The following BRINP1 variants were observed in gnomAD, a reference collection of about 807,000 sequenced individuals.
BRINP1 encodes BMP/retinoic acid inducible neural specific 1.
A neutral mutation model predicts 72.9 loss-of-function variants in BRINP1; 17 were observed. That is an observed-to-expected ratio of 0.23 (90% CI 0.16 to 0.35). BRINP1 has a LOEUF of 0.35. BRINP1 is among the 10% of genes least tolerant of loss of function. BRINP1 has a pLI of 1.00. For synonymous variants in BRINP1, 418 were observed against 378.5 expected (o/e 1.10, Z -1.21); for missense variants, 850 against 1,001.6 (o/e 0.85, Z 2.04).
intron 2 of BRINP1, among the ~76,000 whole-genome samples, chr9:119,287,211 T>A (rs2118968834): frequency 6.6e-6 from 1 of 152,354 alleles, no homozygotes; most frequent in Admixed American, 6.5e-5. Flanking sequence ...TCTCCTTTTT[T>A]ATCATAAGAG....
rs559940050 is a variant in BRINP1 at position 119,172,051 on chromosome 9, C to T, written c.1146-3827G>A. Among the ~76,000 whole-genome samples the T allele has an allele frequency of 3.4e-3, 470 of 137,534 alleles. 1 individual carries two copies. Among genetic ancestry groups the T allele is most frequent in the Non-Finnish European group, 5.6e-3 (362 of 65,078 alleles). 90.2% of individuals were successfully genotyped at this position (137,534 alleles called of 152,430 possible). A position where few individuals can be genotyped will look rare whatever the true frequency, so the allele number is the denominator to read the frequency against. On this transcript the variant is annotated intron_variant, in intron 7 of 7. Coordinates refer to ENST00000265922, the MANE Select transcript of BRINP1 (RefSeq NM_014618.3). ...AGCAGGAAAGATCCAAAATTGACACCCTAACATCACAATTAAAAGAACTAG... is the reference window on the plus strand; with the variant it reads ...AGCAGGAAAGATCCAAAATTGACACTCTAACATCACAATTAAAAGAACTAG...
intron 5 of BRINP1, among the ~76,000 whole-genome samples, chr9:119,230,574 G>C (rs1830139276): frequency 6.6e-6 from 1 of 151,982 alleles, no homozygotes; most frequent in Non-Finnish European, 1.5e-5. Flanking sequence ...TTCAATAGAA[G>C]AGAGTGAGGA....
rs1345034482 is a variant in BRINP1, at chr9:119,368,892, C to CT, written c.-51+163dup. On this transcript the variant is annotated intron_variant, in intron 1 of 7. Coordinates refer to ENST00000265922, the MANE Select transcript of BRINP1 (RefSeq NM_014618.3). This position sits in a 1 kb window ranked among gnomAD's most constrained non-coding sequence, Gnocchi z 4.7. ...AGCCCCAGGCACAGGAACCCCCTCC[C>CT]TAGAACTGGAGAAGACTTGGAGGCG... Among the ~76,000 whole-genome samples the CT allele has an allele frequency of 6.6e-6, 1 of 152,156 alleles. No homozygotes were observed. The highest frequency in any genetic ancestry group is 1.5e-5 in the Non-Finnish European group (1 of 68,026).
intron 5 of BRINP1, among the ~76,000 whole-genome samples, chr9:119,237,020 CT>C (rs1830198355): frequency 6.6e-6 from 1 of 152,166 alleles, no homozygotes; most frequent in African/African-American, 2.4e-5. Flanking sequence ...TTCTAACCAC[CT>C]TCTGTAACGG....
At chr9:119,283,675 G>C (rs1354051630) in intron 2 of BRINP1, among the ~76,000 whole-genome samples, 4 of 152,132 alleles carry the variant, frequency 2.6e-5, no homozygotes, top group Admixed American at 6.5e-5. Flanking sequence ...TGGGATTACA[G>C]GCGTGGGCCA....
At chr9:119,338,629 T>A (rs1831374542) in intron 1 of BRINP1, among the ~76,000 whole-genome samples, 2 of 150,610 alleles carry the variant, frequency 1.3e-5, no homozygotes, top group Admixed American at 1.3e-4. Flanking sequence ...TCCCAGCACT[T>A]TGGGAGGCCG....
chr9:119,237,718 G>A (rs988490378), intron 5 of BRINP1, among the ~76,000 whole-genome samples: 1 of 151,862 alleles, frequency 6.6e-6, no homozygotes, highest in Non-Finnish European at 1.5e-5. Context: ...CTGGAGTGCA[G>A]TGGCGCAATC....
intron 1 of BRINP1, 123 bp from the exon 2 acceptor site, chr9:119,313,528 T>A (rs966489015): frequency 5.0e-6 from 4 of 806,682 alleles, no homozygotes; most frequent in Non-Finnish European, 7.6e-6. Flanking sequence ...CACATCTTCA[T>A]AATAATACCT....
intron 5 of BRINP1, among the ~76,000 whole-genome samples, chr9:119,233,212 C>T (rs1485531108): frequency 2.0e-5 from 3 of 152,052 alleles, no homozygotes; most frequent in East Asian, 3.9e-4. Context: ...AGAGGAAACA[C>T]ATTTGAAGAA....
At chr9:119,219,646 TGAGAGAGAGAGAGAGAGAGAGAGAGA>T (rs57623423) in intron 5 of BRINP1, among the ~76,000 whole-genome samples, 7 of 125,824 alleles carry the variant, frequency 5.6e-5, no homozygotes, top group South Asian at 2.9e-4. Flanking sequence ...TACTGTTTAC[TGAGAGAGAGAGAGAGAGAGAGAGAGA>T]GAGAGAGAGA....
chr9:119,219,112 A>C (rs985624783), intron 5 of BRINP1, among the ~76,000 whole-genome samples: 6 of 152,008 alleles, frequency 3.9e-5, no homozygotes, highest in Non-Finnish European at 8.8e-5. Flanking sequence ...TTGATCTTAG[A>C]CTTCCCAGCA....
intron 5 of BRINP1, among the ~76,000 whole-genome samples, chr9:119,221,393 T>C (rs1292328960): frequency 1.3e-5 from 2 of 152,106 alleles, no homozygotes; most frequent in Non-Finnish European, 2.9e-5. Context: ...TCCAGTGTAA[T>C]GAAGGCATGC....
intron 5 of BRINP1, among the ~76,000 whole-genome samples, chr9:119,224,054 T>C (rs1830067279): frequency 6.6e-6 from 1 of 152,052 alleles, no homozygotes; most frequent in Admixed American, 6.6e-5. Context: ...AGTACTCAAT[T>C]GAACATCTAT....
In BRINP1 at chr9:119,167,414, G is replaced by A. The variant is rs781679077; in HGVS notation, c.1956C>T (p.Ile652=). The change falls in exon 8 of 8, where the codon ATC becomes ATT. Residue 652 remains isoleucine (I), a synonymous_variant. Transcript: ENST00000265922. The surrounding 1 kb of genome is among the most constrained non-coding windows in gnomAD (Gnocchi z 4.3). ...DPSKRQFYIK[I]SDVQVFGYSL... ...TATACCCAAACACCTGCACGTCTGA[G>A]ATCTTGATGTAGAACTGCCTCTTGG... 5 of 1,613,964 alleles carry A rather than the reference G, an allele frequency of 3.1e-6. No homozygotes were observed. Among genetic ancestry groups the A allele is most frequent in the East Asian group, 2.2e-5 (1 of 44,870 alleles).
At chr9:119,229,156 T>C (rs1830123281) in intron 5 of BRINP1, among the ~76,000 whole-genome samples, 1 of 152,020 alleles carries the variant, frequency 6.6e-6, no homozygotes, top group Admixed American at 6.6e-5. Context: ...ATTTGCTGAG[T>C]TCCTGACTAT....
intron 2 of BRINP1, among the ~76,000 whole-genome samples, chr9:119,305,771 G>A (rs1465876489): frequency 1.3e-5 from 2 of 152,134 alleles, no homozygotes; most frequent in Non-Finnish European, 2.9e-5. Flanking sequence ...GTGGTTATTT[G>A]CCTTTCAGTC....
chr9:119,221,990 C>T (rs1385493698), intron 5 of BRINP1, among the ~76,000 whole-genome samples: 1 of 152,138 alleles, frequency 6.6e-6, no homozygotes. Context: ...AATGTCCCCT[C>T]TTAGAGATAA....
At chr9:119,271,555 T>C (rs1208866020) in intron 2 of BRINP1, among the ~76,000 whole-genome samples, 1 of 152,116 alleles carries the variant, frequency 6.6e-6, no homozygotes, top group Non-Finnish European at 1.5e-5. Context: ...CATTTACTTA[T>C]TGTTTATATA....
At chr9:119,250,690 G>A (rs1290804933) in intron 2 of BRINP1, among the ~76,000 whole-genome samples, 1 of 152,150 alleles carries the variant, frequency 6.6e-6, no homozygotes, top group East Asian at 1.9e-4. Flanking sequence ...GAGTACAAGT[G>A]AAAACTTAGA....
Sources: gnomAD v4.1 joint callset for allele counts (sites outside exome capture counted in the v4.1 genomes callset) on GRCh38, gnomAD v4.1.1 for gene constraint, Gnocchi (gnomAD v3.1) non-coding constraint, MANE v1.5 for transcripts, NCBI Gene and HGNC (gene_info 2026-07-23, HGNC 2026-07-21) for gene names.